The following NLGN4Y variants were observed in gnomAD, a reference collection of about 807,000 sequenced individuals.
NLGN4Y encodes the protein neuroligin 4 Y-linked.
NLGN4Y carries 4 observed loss-of-function variants against 8.4 expected under a neutral mutation model. The observed-to-expected ratio is 0.48, with a 90% CI of 0.23 to 1.09. The LOEUF is 1.09. Among genes scored for constraint, NLGN4Y ranks in the 50% least tolerant of loss-of-function variants. The pLI is 0.19. For synonymous variants in NLGN4Y, 35 were observed against 75.6 expected (o/e 0.46, Z 2.78); for missense variants, 90 against 192.3 (o/e 0.47, Z 3.15).
chrY:14,681,605 G>A, intron 2 of NLGN4Y, among the ~76,000 whole-genome samples: 2 of 33,903 alleles, frequency 5.9e-5, no homozygotes, highest in African/African-American at 2.3e-4. Context: ...TGGTTTTAAC[G>A]TATTTTAAAA....
At chrY:14,591,068 G>A in intron 1 of NLGN4Y, among the ~76,000 whole-genome samples, 1 of 32,793 alleles carries the variant, frequency 3.0e-5, no homozygotes, top group African/African-American at 1.2e-4. Context: ...TTAGTTGTAC[G>A]GCTCTGCGCT....
At chrY:14,549,995 T>C (rs2080186191) in intron 1 of NLGN4Y, among the ~76,000 whole-genome samples, 1 of 33,897 alleles carries the variant, frequency 3.0e-5, no homozygotes, top group East Asian at 7.9e-4. Context: ...TTACATCCGG[T>C]GATGCATAGG....
At chrY:14,808,722 C>T in intron 4 of NLGN4Y, among the ~76,000 whole-genome samples, 3 of 33,993 alleles carry the variant, frequency 8.8e-5, no homozygotes, top group Non-Finnish European at 1.5e-4. Flanking sequence ...ACTGACCTTT[C>T]AAGTGGTGCT....
intron 4 of NLGN4Y, among the ~76,000 whole-genome samples, chrY:14,784,884 A>G: frequency 3.0e-5 from 1 of 33,177 alleles, no homozygotes; most frequent in Non-Finnish European, 7.4e-5. Flanking sequence ...AAATGCAGGA[A>G]CAGAGAACCA....
At position 14,844,527 on chromosome Y, in the gene NLGN4Y, C is replaced by G; in HGVS notation, c.*3265C>G. Reference sequence around the variant, plus strand: ...AATGGAAGATGTTCTGACTTTGAAACATGCCCCCTTGGACAGGAAAATTTG... The same window carrying G: ...AATGGAAGATGTTCTGACTTTGAAAGATGCCCCCTTGGACAGGAAAATTTG... On this transcript the variant is annotated 3_prime_UTR_variant, in exon 7 of 7. Transcript: ENST00000684976. The G allele has an allele frequency of 2.9e-5, 1 of 34,634 alleles. No homozygotes were observed. The highest frequency in any genetic ancestry group is 7.1e-5 in the Non-Finnish European group (1 of 14,102). 8.6% of individuals were successfully genotyped at this position (34,634 alleles called of 400,897 possible).
At chrY:14,685,073 C>A (rs2080784679) in intron 2 of NLGN4Y, among the ~76,000 whole-genome samples, 1 of 33,339 alleles carries the variant, frequency 3.0e-5, no homozygotes, top group Non-Finnish European at 7.4e-5. Context: ...AAGGCTCTTA[C>A]CTTCTTAGTT....
chrY:14,674,559 C>T, intron 2 of NLGN4Y, among the ~76,000 whole-genome samples: 1 of 32,537 alleles, frequency 3.1e-5, no homozygotes, highest in African/African-American at 1.2e-4. Context: ...TGGATTTTCA[C>T]AACATTGAAA....
chrY:14,673,471 A>T, intron 2 of NLGN4Y, among the ~76,000 whole-genome samples: 2 of 33,787 alleles, frequency 5.9e-5, no homozygotes, highest in Admixed American at 2.7e-4. Context: ...AATCAAAACC[A>T]CAATGAGATA....
At chrY:14,663,393 A>C in intron 2 of NLGN4Y, among the ~76,000 whole-genome samples, 1 of 33,257 alleles carries the variant, frequency 3.0e-5, no homozygotes, top group Non-Finnish European at 7.4e-5. Context: ...TTTGGATGTA[A>C]ACATATGAGT....
intron 1 of NLGN4Y, among the ~76,000 whole-genome samples, chrY:14,574,739 T>C (rs1603500169): frequency 3.0e-5 from 1 of 33,665 alleles, no homozygotes; most frequent in Admixed American, 2.7e-4. Context: ...CAGTTGTTCC[T>C]TTCCATGTTT....
At chrY:14,800,661 TATAC>T (rs2043027360) in intron 4 of NLGN4Y, among the ~76,000 whole-genome samples, 1 of 30,817 alleles carries the variant, frequency 3.2e-5, no homozygotes, top group Non-Finnish European at 7.8e-5. Flanking sequence ...ATATATATTA[TATAC>T]ATACTTACAT....
chrY:14,550,458 G>A (rs926852026), intron 1 of NLGN4Y, among the ~76,000 whole-genome samples: 1 of 33,797 alleles, frequency 3.0e-5, no homozygotes, highest in African/African-American at 1.2e-4. Flanking sequence ...AGTTGATACA[G>A]TTTCTTCATA....
intron 4 of NLGN4Y, among the ~76,000 whole-genome samples, chrY:14,723,964 C>T (rs1012322352): frequency 3.0e-5 from 1 of 33,374 alleles, no homozygotes; most frequent in African/African-American, 1.2e-4. Context: ...TTAATACCTT[C>T]TTAGATGACC....
chrY:14,590,171 A>C (rs747534259), intron 1 of NLGN4Y, among the ~76,000 whole-genome samples: 1 of 33,618 alleles, frequency 3.0e-5, no homozygotes, highest in Non-Finnish European at 7.5e-5. Flanking sequence ...CTCTCCCTCC[A>C]CACCTCCCTG....
At chrY:14,598,623 T>G in intron 1 of NLGN4Y, among the ~76,000 whole-genome samples, 3 of 31,961 alleles carry the variant, frequency 9.4e-5, no homozygotes, top group South Asian at 7.3e-4. Context: ...TCCAGCCTTG[T>G]CCAGCCCAGA....
chrY:14,580,646 C>G, intron 1 of NLGN4Y, among the ~76,000 whole-genome samples: 2 of 31,324 alleles, frequency 6.4e-5, no homozygotes, highest in Non-Finnish European at 1.5e-4. Context: ...CAATGCAGAC[C>G]GGGCAGTGAG....
chrY:14,572,028 G>A (rs2080273859), intron 1 of NLGN4Y, among the ~76,000 whole-genome samples: 1 of 31,602 alleles, frequency 3.2e-5, no homozygotes, highest in South Asian at 7.5e-4. Flanking sequence ...AAGTCAGGTA[G>A]CATGATGTCT....
chrY:14,845,385 A>G lies in NLGN4Y; in HGVS notation c.*4123A>G, dbSNP rs890151438. 5 of 33,194 alleles carry G rather than the reference A, an allele frequency of 1.5e-4. No homozygotes were observed. The highest frequency in any genetic ancestry group is 2.8e-4 in the Admixed American group (1 of 3,604). 8.3% of individuals were successfully genotyped at this position (33,194 alleles called of 400,897 possible). ...AAATCTATAACACATTTGTGCTCACATATACATTCCTCTGTGTGTGTGTGT... is the reference window on the plus strand; with the variant it reads ...AAATCTATAACACATTTGTGCTCACGTATACATTCCTCTGTGTGTGTGTGT... On this transcript the variant is annotated 3_prime_UTR_variant, in exon 7 of 7. Coordinates refer to ENST00000684976, the MANE Select transcript of NLGN4Y (RefSeq NM_001365588.1).
intron 2 of NLGN4Y, among the ~76,000 whole-genome samples, chrY:14,636,247 CA>C: frequency 3.0e-5 from 1 of 33,677 alleles, no homozygotes; most frequent in African/African-American, 1.1e-4. Flanking sequence ...TTCTACTTAG[CA>C]GACTATACAA....
Sources: allele counts gnomAD v4.1 joint callset (sites outside exome capture counted in the v4.1 genomes callset), GRCh38; gene constraint gnomAD v4.1.1; transcripts MANE v1.5; gene names NCBI Gene and HGNC (gene_info 2026-07-23, HGNC 2026-07-21).